Variants in SGMS1 observed in about 807,000 individuals in gnomAD.
SGMS1 encodes the protein phosphatidylcholine:ceramide cholinephosphotransferase 1.
In SGMS1, 13 loss-of-function variants were observed where a neutral mutation model predicts 46.2. The ratio of observed to expected loss-of-function variants is 0.28; its 90% CI spans 0.18 to 0.45. SGMS1 has a LOEUF of 0.45. SGMS1 is among the 20% of genes least tolerant of loss of function. The probability of loss-of-function intolerance (pLI) is 1.00; values close to 1 mark genes in which losing one functional copy is unlikely to be tolerated. For synonymous variants in SGMS1, 203 were observed against 187.8 expected (o/e 1.08, Z -0.66); for missense variants, 324 against 519.9 (o/e 0.62, Z 3.66).
At chr10:50,374,219 G>A (rs1423824910) in intron 6 of SGMS1, among the ~76,000 whole-genome samples, 1 of 152,130 alleles carries the variant, frequency 6.6e-6, no homozygotes, top group African/African-American at 2.4e-5. Context: ...ATTGTCCTGG[G>A]CATTCAGTGA....
chr10:50,408,441 A>AAT (rs1849049089), intron 6 of SGMS1, among the ~76,000 whole-genome samples: 3 of 150,066 alleles, frequency 2.0e-5, no homozygotes, highest in South Asian at 4.2e-4. Context: ...TAAAAAAAAA[A>AAT]AAAAAAAAAA....
chr10:50,597,738 C>T (rs191271025), intron 1 of SGMS1, among the ~76,000 whole-genome samples: 149 of 152,188 alleles, frequency 9.8e-4, no homozygotes, highest in African/African-American at 2.7e-3. Context: ...ACTGGCCGGG[C>T]GTGGTGGCTC....
chr10:50,497,518 C>T (rs976817927), intron 3 of SGMS1, among the ~76,000 whole-genome samples: 1 of 152,148 alleles, frequency 6.6e-6, no homozygotes, highest in South Asian at 2.1e-4. Context: ...CCTGGCCGGG[C>T]GCGGTGGCTC....
At chr10:50,623,476 A>T in intron 1 of SGMS1, 2 of 696,510 alleles carry the variant, frequency 2.9e-6, no homozygotes, top group Non-Finnish European at 3.5e-6. Context: ...GCCCCCTCCG[A>T]GCCCGGATCC....
chr10:50,319,742 A>T (rs930842859), intron 8 of SGMS1, among the ~76,000 whole-genome samples: 3 of 152,202 alleles, frequency 2.0e-5, no homozygotes, highest in South Asian at 2.1e-4. Flanking sequence ...AGTGCATCAC[A>T]TTCAGAAGCA....
chr10:50,600,569 T>C (rs1304015976), intron 1 of SGMS1, among the ~76,000 whole-genome samples: 1 of 152,190 alleles, frequency 6.6e-6, no homozygotes, highest in East Asian at 1.9e-4. Flanking sequence ...AAGTCAACCA[T>C]ATGCTTCTCT....
intron 3 of SGMS1, among the ~76,000 whole-genome samples, chr10:50,481,840 A>G (rs1214568107): frequency 6.6e-6 from 1 of 152,240 alleles, no homozygotes; most frequent in African/African-American, 2.4e-5. Context: ...ATATGACCTG[A>G]TGGAGCTGAA....
rs17721187 is a variant in SGMS1, at chr10:50,330,853, G to A, written c.624-3531C>T. Among the ~76,000 whole-genome samples, 84 of 152,174 alleles carry A rather than the reference G, an allele frequency of 5.5e-4. 1 individual carries two copies. Among genetic ancestry groups the A allele is most frequent in the Middle Eastern group, 3.4e-3 (1 of 294 alleles). On this transcript the variant is annotated intron_variant, in intron 7 of 10. Transcript: ENST00000361781. ...GTGATTCCAGCTGTAAAACATGAAC[G>A]GACAGACAATACATCACTGAGCTGT...
chr10:50,562,840 G>T (rs563374447), intron 2 of SGMS1, among the ~76,000 whole-genome samples: 39 of 152,190 alleles, frequency 2.6e-4, no homozygotes, highest in African/African-American at 9.4e-4. Flanking sequence ...CACCGCGCCC[G>T]GCCGTCTCCA....
chr10:50,622,941 C>A (rs1043050441), intron 1 of SGMS1, among the ~76,000 whole-genome samples: 1 of 152,220 alleles, frequency 6.6e-6, no homozygotes, highest in African/African-American at 2.4e-5. Context: ...TAGCGCAGAC[C>A]CCCTCTGTCA....
chr10:50,540,737 G>A (rs1368756332), intron 2 of SGMS1, among the ~76,000 whole-genome samples: 4 of 152,174 alleles, frequency 2.6e-5, no homozygotes, highest in Non-Finnish European at 5.9e-5. Flanking sequence ...CAGGTCATGC[G>A]AGTCACTAAG....
At chr10:50,336,006 G>A (rs1342864305) in intron 7 of SGMS1, 1 of 152,154 alleles carries the variant, frequency 6.6e-6, no homozygotes, top group Non-Finnish European at 1.5e-5. Context: ...TTGTAAATTA[G>A]AAAAGGTAGA....
At chr10:50,394,697 T>G (rs1848820838) in intron 6 of SGMS1, among the ~76,000 whole-genome samples, 1 of 152,254 alleles carries the variant, frequency 6.6e-6, no homozygotes, top group South Asian at 2.1e-4. Flanking sequence ...TTTTAATTCA[T>G]CTAACTTAAT....
intron 7 of SGMS1, chr10:50,335,792 G>A (rs1847706196): frequency 6.6e-6 from 1 of 152,154 alleles, no homozygotes; most frequent in Non-Finnish European, 1.5e-5. Context: ...AGCACATGCA[G>A]AAAAATATCA....
chr10:50,319,161 C>CAAAA (rs5784829), intron 8 of SGMS1, among the ~76,000 whole-genome samples: 7,723 of 107,432 alleles, frequency 0.072, 527 homozygotes, highest in East Asian at 0.33. Flanking sequence ...GATTTGCCAC[C>CAAAA]AAAAAAAAAA....
chr10:50,385,022 A>T (rs956835288), intron 6 of SGMS1, among the ~76,000 whole-genome samples: 2 of 152,054 alleles, frequency 1.3e-5, no homozygotes, highest in African/African-American at 2.4e-5. Flanking sequence ...CAGTTCCTCA[A>T]TCTTTCTTCA....
intron 3 of SGMS1, among the ~76,000 whole-genome samples, chr10:50,508,478 C>A (rs950427832): frequency 6.6e-6 from 1 of 152,150 alleles, no homozygotes; most frequent in Non-Finnish European, 1.5e-5. Flanking sequence ...AGTGAAATAT[C>A]AAGTGACAAA....
intron 3 of SGMS1, among the ~76,000 whole-genome samples, chr10:50,479,489 C>T (rs1002554726): frequency 6.6e-6 from 1 of 152,096 alleles, no homozygotes; most frequent in African/African-American, 2.4e-5. Flanking sequence ...GATTAACTGT[C>T]GAGTTAACAG....
chr10:50,377,109 C>T (rs1180329695), intron 6 of SGMS1, among the ~76,000 whole-genome samples: 3 of 152,128 alleles, frequency 2.0e-5, no homozygotes, highest in East Asian at 3.9e-4. Context: ...AGGTAGTTAA[C>T]AAAGAAAAAA....
Sources: allele counts gnomAD v4.1 joint callset (sites outside exome capture counted in the v4.1 genomes callset), GRCh38; gene constraint gnomAD v4.1.1; transcripts MANE v1.5; gene names NCBI Gene and HGNC (gene_info 2026-07-23, HGNC 2026-07-21).